The following PCDHGA4 variants were observed in gnomAD, a reference collection of about 807,000 sequenced individuals.
PCDHGA4 encodes protocadherin gamma-A4.
A neutral mutation model predicts 54.6 loss-of-function variants in PCDHGA4; 38 were observed. That is an observed-to-expected ratio of 0.70 (90% CI 0.54 to 0.91). The LOEUF (loss-of-function observed/expected upper bound fraction) is 0.91, where lower values mean the gene tolerates loss of function less well. Among genes scored for constraint, PCDHGA4 ranks in the 40% least tolerant of loss-of-function variants. The pLI, the probability that PCDHGA4 is intolerant of heterozygous loss-of-function variation, is 0.00. For missense variants in PCDHGA4, 1,298 were observed against 1,220.9 expected, an observed-to-expected ratio of 1.06 and a Z score of -0.94; for synonymous variants, 511 against 512.9, an observed-to-expected ratio of 1.00 and a Z score of 0.05.
At chr5:141,404,476 C>G (rs1453332441) in intron 1 of PCDHGA4, 3 of 1,613,362 alleles carry the variant, frequency 1.9e-6, no homozygotes, top group Non-Finnish European at 2.5e-6. Context: ...TCTCTATTAA[C>G]TCAGACACTG....
chr5:141,477,504 A>T lies in PCDHGA4; in HGVS notation c.2515-17303A>T, dbSNP rs1396003792. Reference sequence around the variant, plus strand: ...CCACAATCTTCTCAATCTTCCTACGACGTTTACATTGAAGAAAACAACCTC... The same window carrying T: ...CCACAATCTTCTCAATCTTCCTACGTCGTTTACATTGAAGAAAACAACCTC... On this transcript the variant is annotated intron_variant, in intron 1 of 3. Coordinates refer to ENST00000571252, the MANE Select transcript of PCDHGA4 (RefSeq NM_018917.4). This position sits in a 1 kb window ranked among gnomAD's most constrained non-coding sequence, Gnocchi z 4.9. The T allele has an allele frequency of 4.3e-6, 7 of 1,613,982 alleles. No homozygotes were observed. In the Admixed American group the frequency reaches 8.3e-5, roughly 19 times the overall value.
intron 1 of PCDHGA4, chr5:141,392,908 G>T: frequency 1.2e-6 from 2 of 1,613,852 alleles, no homozygotes; most frequent in African/African-American, 1.3e-5. Context: ...GGACAGATTC[G>T]CTACTCTGTG....
chr5:141,376,208 A>G, intron 1 of PCDHGA4: 1 of 1,614,128 alleles, frequency 6.2e-7, no homozygotes, highest in Non-Finnish European at 8.5e-7. Context: ...GGCCTTCGTC[A>G]TCGTGCTGCT....
intron 1 of PCDHGA4, among the ~76,000 whole-genome samples, chr5:141,358,460 G>C (rs1316337795): frequency 1.3e-5 from 2 of 152,076 alleles, no homozygotes; most frequent in Non-Finnish European, 2.9e-5. Context: ...AAGAATACTG[G>C]CAATTTGTGA....
chr5:141,510,995 G>T lies in PCDHGA4; in HGVS notation c.2711G>T (p.Gly904Val). ...STLGGGAGTM[G>V]LSARYGPQFT... is the part of the protein sequence containing the mutation. ...CTGGGAGGGGGTGCCGGCACCATGG[G>T]ATTGAGCGCCCGCTACGGACCCCAG... is the stretch of plus-strand genomic sequence containing the variant. Residue 904 changes from glycine to valine, a missense_variant, in exon 4 of 4, where the codon GGA becomes GTA. Physicochemically the swap from Gly to Val is moderately radical, Grantham distance 109. Coordinates refer to ENST00000571252, the MANE Select transcript of PCDHGA4 (RefSeq NM_018917.4). The T allele has an allele frequency of 6.2e-7, 1 of 1,614,172 alleles. No individual in the cohort carries two copies. Among genetic ancestry groups the T allele is most frequent in the Non-Finnish European group, 8.5e-7 (1 of 1,180,018 alleles).
intron 1 of PCDHGA4, chr5:141,374,361 A>G (rs1418865389): frequency 6.2e-7 from 1 of 1,614,016 alleles, no homozygotes; most frequent in East Asian, 2.2e-5. Flanking sequence ...ATAGACCGCG[A>G]GGAGCTCTGT....
In PCDHGA4 at chr5:141,489,163, C is replaced by T. The variant is rs2099683398; in HGVS notation, c.2515-5644C>T. 1 of 1,060,592 alleles carries T rather than the reference C, an allele frequency of 9.4e-7. No individual in the cohort carries two copies. Among genetic ancestry groups the T allele is most frequent in the Admixed American group, 2.4e-5 (1 of 41,724 alleles). The allele number at this position is 1,060,592 out of a possible 1,614,324, so 65.7% of individuals were successfully genotyped here. On this transcript the variant is annotated intron_variant, in intron 1 of 3. Coordinates refer to ENST00000571252, the MANE Select transcript of PCDHGA4 (RefSeq NM_018917.4). This position sits in a 1 kb window ranked among gnomAD's most constrained non-coding sequence, Gnocchi z 4.5. ...TGGAAGGAGACATAAGAGACTTCAGCTGCTGCATTCCAAGCCCTGGGTCTA... is the reference window on the plus strand; with the variant it reads ...TGGAAGGAGACATAAGAGACTTCAGTTGCTGCATTCCAAGCCCTGGGTCTA...
chr5:141,501,715 C>G lies in PCDHGA4; in HGVS notation c.2574-3678C>G, dbSNP rs139761188. On this transcript the variant is annotated intron_variant, in intron 2 of 3. Coordinates refer to ENST00000571252, the MANE Select transcript of PCDHGA4 (RefSeq NM_018917.4). ...AGGGTGATTCCGAGGATAAAAAAGA[C>G]AAATATATTACCCAGTCAGCTTAGA... 1.3e-3 allele frequency among the ~76,000 whole-genome samples: 192 copies of G among 152,192 alleles called. 1 individual carries two copies. The highest frequency in any genetic ancestry group is 4.5e-3 in the African/African-American group (185 of 41,512).
Position 141,422,952 on chromosome 5 carries a change from C to T in PCDHGA4, c.2514+65331C>T, listed in dbSNP as rs759618535. 11 of 1,614,254 alleles carry T rather than the reference C, an allele frequency of 6.8e-6. No homozygotes were observed. The East Asian group carries it at 2.0e-4, about 29-fold the overall frequency. On this transcript the variant is annotated intron_variant, in intron 1 of 3. Coordinates refer to ENST00000571252, the MANE Select transcript of PCDHGA4 (RefSeq NM_018917.4). ...CCCTCCCCACAGACGGCTCCACTGG[C>T]GTGGAGCTGGCGCCCCGCTCTGCGG...
Position 141,491,739 on chromosome 5 carries a change from C to A in PCDHGA4, c.2515-3068C>A, listed in dbSNP as rs372183034. ...CGCCGCCCCGGGCGACCCCTGGGGG[C>A]GGCACTGGAGAAGCCGCCCGTCCTC... On this transcript the variant is annotated intron_variant, in intron 1 of 3. Transcript: ENST00000571252. The surrounding 1 kb of genome is among the most constrained non-coding windows in gnomAD (Gnocchi z 6.9). 2 of 1,598,886 alleles carry A rather than the reference C, an allele frequency of 1.3e-6. No individual in the cohort carries two copies. The highest frequency in any genetic ancestry group is 1.3e-5 in the African/African-American group (1 of 74,290).
chr5:141,393,115 G>C (rs1342924521), intron 1 of PCDHGA4: 42 of 1,613,320 alleles, frequency 2.6e-5, no homozygotes, highest in Non-Finnish European at 3.6e-5. Context: ...CAGAGCCCGC[G>C]GTGTCTGATA....
chr5:141,423,364 C>G (rs1299667864), intron 1 of PCDHGA4: 2 of 1,614,102 alleles, frequency 1.2e-6, no homozygotes, highest in East Asian at 4.5e-5. Flanking sequence ...CATCGTGCTG[C>G]TGGCACTCAG....
At chr5:141,372,226 C>A (rs1238266870) in intron 1 of PCDHGA4, 1 of 1,613,332 alleles carries the variant, frequency 6.2e-7, no homozygotes, top group Non-Finnish European at 8.5e-7. Flanking sequence ...ATTGTGCAGG[C>A]CAGCGAGCCC....
intron 1 of PCDHGA4, among the ~76,000 whole-genome samples, chr5:141,447,744 T>G (rs1020767891): frequency 3.4e-4 from 51 of 152,206 alleles, no homozygotes; most frequent in African/African-American, 1.2e-3. Context: ...CTTAAGAGTC[T>G]TGCATGTGAC....
chr5:141,384,850 C>A, intron 1 of PCDHGA4: 1 of 1,613,646 alleles, frequency 6.2e-7, no homozygotes, highest in African/African-American at 1.3e-5. Context: ...GGACCACGGT[C>A]AGCCTCCTCT....
rs763676784 is a variant in PCDHGA4 at position 141,374,276 on chromosome 5, C to A, written c.2514+16655C>A. The A allele has an allele frequency of 4.3e-6, 7 of 1,613,974 alleles. No individual in the cohort carries two copies. In the Admixed American group the frequency reaches 8.3e-5, roughly 19 times the overall value. On this transcript the variant is annotated intron_variant, in intron 1 of 3. Transcript: ENST00000571252. ...CCAGGAGTTGGCGGAGCACGGAGTC[C>A]GCATCGTCTCCAGAGGTAGGATGCA...
chr5:141,370,915 C>T, intron 1 of PCDHGA4: 1 of 1,614,006 alleles, frequency 6.2e-7, no homozygotes, highest in Non-Finnish European at 8.5e-7. Context: ...TACCTCAGCC[C>T]TGATCCGCAC....
Position 141,415,748 on chromosome 5 carries a change from T to G in PCDHGA4, c.2514+58127T>G, listed in dbSNP as rs1345423849. On this transcript the variant is annotated intron_variant, in intron 1 of 3. Transcript: ENST00000571252. ...ATTTGATGTTTATTAAGGTTTTTTT[T>G]TTTTTTTTTTTTTTTTTTTTTTTTA... is the stretch of plus-strand genomic sequence containing the variant. 87 of 1,008,904 alleles carry G rather than the reference T, an allele frequency of 8.6e-5. No individual in the cohort carries two copies. The Middle Eastern group carries it at 1.2e-3, about 13-fold the overall frequency. 62.5% of individuals were successfully genotyped at this position (1,008,904 alleles called of 1,614,324 possible).
Position 141,489,552 on chromosome 5 carries a change from G to T in PCDHGA4, c.2515-5255G>T, listed in dbSNP as rs2099688780. ...GTGGAGCCAGCACCAGCTGCCTGCTGCCAGTGCAGGTGGTGACTGAACACC... is the reference window on the plus strand; with the variant it reads ...GTGGAGCCAGCACCAGCTGCCTGCTTCCAGTGCAGGTGGTGACTGAACACC... On this transcript the variant is annotated intron_variant, in intron 1 of 3. Coordinates refer to ENST00000571252, the MANE Select transcript of PCDHGA4 (RefSeq NM_018917.4). The surrounding 1 kb of genome is among the most constrained non-coding windows in gnomAD (Gnocchi z 4.5). The T allele has an allele frequency of 6.2e-7, 1 of 1,613,988 alleles. No homozygotes were observed. The highest frequency in any genetic ancestry group is 1.7e-5 in the Admixed American group (1 of 60,000).
Sources: gnomAD v4.1 joint callset for allele counts (sites outside exome capture counted in the v4.1 genomes callset) on GRCh38, gnomAD v4.1.1 for gene constraint, Gnocchi (gnomAD v3.1) non-coding constraint, MANE v1.5 for transcripts, NCBI Gene and HGNC (gene_info 2026-07-23, HGNC 2026-07-21) for gene names.